Variants in NBAS observed in about 807,000 individuals in gnomAD.
NBAS encodes NAG/BC035112 fusion.
In NBAS, 219 loss-of-function variants were observed where a neutral mutation model predicts 302.5. That is an observed-to-expected ratio of 0.72 (90% CI 0.65 to 0.81). NBAS has a LOEUF of 0.81. Ranked by LOEUF, NBAS falls within the 30% of genes least tolerant of loss-of-function variation. NBAS has a pLI of 0.00. For missense variants in NBAS, 2,932 were observed against 2,841.6 expected (o/e 1.03, Z -0.72); for synonymous variants, 1,118 against 1,021.6 (o/e 1.09, Z -1.80).
At chr2:14,962,991 G>A in the NBAS span, among the ~76,000 whole-genome samples, 9 of 152,114 alleles carry the variant, frequency 5.9e-5, no homozygotes, top group Non-Finnish European at 1.0e-4. Context: ...GTTCCAGGTC[G>A]GGAGCGGTGG....
chr2:14,872,094 G>A, the NBAS span, among the ~76,000 whole-genome samples: 2 of 152,110 alleles, frequency 1.3e-5, no homozygotes, highest in Admixed American at 1.3e-4. Context: ...ACAAATGAAA[G>A]GAAAACTGGA....
the NBAS span, among the ~76,000 whole-genome samples, chr2:15,143,244 T>G: frequency 6.6e-6 from 1 of 152,220 alleles, no homozygotes; most frequent in Admixed American, 6.5e-5. Context: ...ATTACGATCC[T>G]TCTTTTACAA....
At position 15,366,655 on chromosome 2, in the gene NBAS, A is replaced by G. The variant is rs774438316; in HGVS notation, c.3742T>C (p.Cys1248Arg). ...TAGCATGTGGGGGACTGGGAAATAC[A>G]CTCCTTGATGAGACTGATCCGATCA... Reference protein sequence around the residue: ...CPDRISLIKECISQSPTCYKQ... With the variant: ...CPDRISLIKERISQSPTCYKQ... The change falls in exon 32 of 52, where the codon TGT becomes CGT. Residue 1248 changes from cysteine to arginine, a missense_variant. Physicochemically the swap from Cys to Arg is radical, Grantham distance 180. Coordinates refer to ENST00000281513, the MANE Select transcript of NBAS (RefSeq NM_015909.4). 1.8e-5 allele frequency: 29 copies of G among 1,613,980 alleles called. 1 individual carries two copies. The South Asian group carries it at 3.2e-4, about 18-fold the overall frequency.
At chr2:14,914,408 T>TAATATCAAGAG in the NBAS span, among the ~76,000 whole-genome samples, 1 of 152,198 alleles carries the variant, frequency 6.6e-6, no homozygotes, top group Non-Finnish European at 1.5e-5. Context: ...GCAGGTTTCA[T>TAATATCAAGAG]AATATCAAGA....
intron 28 of NBAS, 68 bp downstream of exon 28, chr2:15,394,157 GAA>G: frequency 6.8e-7 from 1 of 1,480,068 alleles, no homozygotes; most frequent in Non-Finnish European, 9.1e-7. Flanking sequence ...GAGGTTGTCA[GAA>G]AAAGAGAAAT....
At chr2:15,138,418 A>T in the NBAS span, among the ~76,000 whole-genome samples, 1 of 152,154 alleles carries the variant, frequency 6.6e-6, no homozygotes, top group African/African-American at 2.4e-5. Flanking sequence ...CAGAGAGGTC[A>T]TGTCCTCAGA....
At chr2:14,881,602 C>T in the NBAS span, among the ~76,000 whole-genome samples, 1 of 152,222 alleles carries the variant, frequency 6.6e-6, no homozygotes, top group African/African-American at 2.4e-5. Flanking sequence ...CATTTAAAAA[C>T]TCAGAGAATA....
At chr2:15,322,149 A>C (rs974594740) in intron 38 of NBAS, among the ~76,000 whole-genome samples, 10 of 151,848 alleles carry the variant, frequency 6.6e-5, no homozygotes, top group African/African-American at 2.4e-4. Context: ...CAGAAAACCA[A>C]ACACCACATG....
the NBAS span, among the ~76,000 whole-genome samples, chr2:14,842,099 ATAAAT>A: frequency 6.6e-6 from 1 of 152,038 alleles, no homozygotes; most frequent in African/African-American, 2.4e-5. Flanking sequence ...GGGTCAATGA[ATAAAT>A]TAAGAGGGAA....
chr2:15,250,381 A>G (rs146688728), intron 44 of NBAS, among the ~76,000 whole-genome samples: 2,422 of 152,322 alleles, frequency 0.016, 55 homozygotes, highest in African/African-American at 0.053. Context: ...TCTAGGCAAT[A>G]CCATTCAGGA....
At chr2:15,207,473 G>A (rs1666200706) in intron 48 of NBAS, among the ~76,000 whole-genome samples, 1 of 152,150 alleles carries the variant, frequency 6.6e-6, no homozygotes, top group Admixed American at 6.5e-5. Flanking sequence ...GGGACTACTG[G>A]GAAGGCATAT....
chr2:14,956,504 A>G, the NBAS span, among the ~76,000 whole-genome samples: 4 of 152,176 alleles, frequency 2.6e-5, no homozygotes, highest in Admixed American at 2.6e-4. Context: ...GTCCCTTCTC[A>G]TGATGCTATA....
intron 25 of NBAS, among the ~76,000 whole-genome samples, chr2:15,404,051 T>C (rs1676289339): frequency 6.6e-6 from 1 of 152,056 alleles, no homozygotes; most frequent in East Asian, 1.9e-4. Context: ...CTCTGATTTC[T>C]TATTGTGTGC....
In NBAS at chr2:15,556,795, T is replaced by C. The variant is rs573592083; in HGVS notation, c.197A>G (p.Tyr66Cys). The C allele has an allele frequency of 2.8e-5, 45 of 1,610,952 alleles. No homozygotes were observed. Among genetic ancestry groups the C allele is most frequent in the Middle Eastern group, 3.3e-4 (2 of 6,050 alleles). Residue 66 changes from tyrosine (Y) to cysteine (C), a missense_variant, in exon 3 of 52, where the codon TAC (tyrosine) becomes TGC (cysteine). Physicochemically the swap from Tyr to Cys is radical, Grantham distance 194. Coordinates refer to ENST00000281513, the MANE Select transcript of NBAS (RefSeq NM_015909.4). ...ACCGAAGACTCACCTGTACCAGATG[T>C]ATTGGCGTAAAAATAATAAACGATC... ...IRDRLLFLRQ[Y>C]IWYSPAPFLL... is the part of the protein sequence containing the mutation.
chr2:14,873,127 TACAGACAGCTGATTAGTCCATTTC>T, the NBAS span, among the ~76,000 whole-genome samples: 1 of 152,344 alleles, frequency 6.6e-6, no homozygotes, highest in Non-Finnish European at 1.5e-5. Context: ...TGGTCCATTT[TACAGACAGCTGATTAGTCCATTTC>T]ACAGAGAGCT....
intron 35 of NBAS, among the ~76,000 whole-genome samples, chr2:15,345,122 G>T (rs899628013): frequency 6.6e-6 from 1 of 152,038 alleles, no homozygotes; most frequent in African/African-American, 2.4e-5. Flanking sequence ...CTCTCTCACC[G>T]CTCCTATTCA....
Position 15,415,490 on chromosome 2 carries a change from C to A in NBAS, c.2937+56G>T, listed in dbSNP as rs1676882057. 6 of 1,471,690 alleles carry A rather than the reference C, an allele frequency of 4.1e-6. No individual in the cohort carries two copies. In the Admixed American group the frequency reaches 1.0e-4, roughly 25 times the overall value. 91.2% of individuals were successfully genotyped at this position (1,471,690 alleles called of 1,614,324 possible). A position where few individuals can be genotyped will look rare whatever the true frequency, so the allele number is the denominator to read the frequency against. On this transcript the variant is annotated intron_variant, in intron 25 of 51. Transcript: ENST00000281513. ...TACCATAAAAATTGTATAAATAAAA[C>A]CTAATACTGTAGGGGAAAAAGTGCC... is the stretch of plus-strand genomic sequence containing the variant.
chr2:14,834,633 G>T, the NBAS span, among the ~76,000 whole-genome samples: 1 of 152,132 alleles, frequency 6.6e-6, no homozygotes, highest in Non-Finnish European at 1.5e-5. Flanking sequence ...AAAAGTAAAT[G>T]TGAAAAAATA....
At chr2:14,862,131 TTTATTTAA>T in the NBAS span, among the ~76,000 whole-genome samples, 1 of 145,868 alleles carries the variant, frequency 6.9e-6, no homozygotes, top group Non-Finnish European at 1.5e-5. Flanking sequence ...GTGAGCCAGA[TTTATTTAA>T]GCATTTTTTT....
Sources: allele counts gnomAD v4.1 joint callset (sites outside exome capture counted in the v4.1 genomes callset), GRCh38; gene constraint gnomAD v4.1.1; transcripts MANE v1.5; gene names NCBI Gene and HGNC (gene_info 2026-07-23, HGNC 2026-07-21).